ARHGAP26: variants seen among roughly 807,000 people sequenced by gnomAD.
ARHGAP26 encodes Rho GTPase activating protein 26.
ARHGAP26 carries 38 observed loss-of-function variants against 104.8 expected under a neutral mutation model. That is an observed-to-expected ratio of 0.36 (90% CI 0.28 to 0.48). The LOEUF is 0.48. Ranked by LOEUF, ARHGAP26 falls within the 20% of genes least tolerant of loss-of-function variation. The pLI, the probability that ARHGAP26 is intolerant of heterozygous loss-of-function variation, is 0.99. For synonymous variants in ARHGAP26, 341 were observed against 340.0 expected (o/e 1.00, Z -0.03); for missense variants, 704 against 947.9 (o/e 0.74, Z 3.38).
At chr5:142,957,863 T>G (rs1769518141) in intron 11 of ARHGAP26, among the ~76,000 whole-genome samples, 1 of 152,242 alleles carries the variant, frequency 6.6e-6, no homozygotes, top group Non-Finnish European at 1.5e-5. Context: ...TCTTCCCACT[T>G]TCACGCATTG....
chr5:143,226,236 C>T lies in ARHGAP26; in HGVS notation c.*3790C>T, dbSNP rs1428293586. 2 of 179,042 alleles carry T rather than the reference C, an allele frequency of 1.1e-5. No homozygotes were observed. The highest frequency in any genetic ancestry group is 4.7e-5 in the African/African-American group (2 of 42,334). 11.1% of individuals were successfully genotyped at this position (179,042 alleles called of 1,614,324 possible). ...GTGGCTCACGCCTATAATCCCAGCA[C>T]TTTGGGAGGCCGAGGCGGGCGGATC... is the stretch of plus-strand genomic sequence containing the variant. On this transcript the variant is annotated 3_prime_UTR_variant, in exon 23 of 23. Transcript: ENST00000645722.
intron 10 of ARHGAP26, among the ~76,000 whole-genome samples, chr5:142,925,125 G>A (rs13169865): frequency 0.11 from 16,037 of 152,096 alleles, 2,082 homozygotes; most frequent in African/African-American, 0.3. Context: ...ATGCCTTCCC[G>A]CATGCCAGCT....
intron 20 of ARHGAP26, among the ~76,000 whole-genome samples, chr5:143,206,103 C>T (rs1010207339): frequency 6.6e-6 from 1 of 152,118 alleles, no homozygotes; most frequent in Non-Finnish European, 1.5e-5. Context: ...CTAGGGAAGT[C>T]CCAGTAAGTA....
At chr5:142,908,505 C>T (rs2152470960) in intron 9 of ARHGAP26, among the ~76,000 whole-genome samples, 1 of 152,334 alleles carries the variant, frequency 6.6e-6, no homozygotes, top group South Asian at 2.1e-4. Flanking sequence ...TTTGGGCTTC[C>T]TCACAGCATG....
At chr5:142,923,587 A>G in intron 10 of ARHGAP26, among the ~76,000 whole-genome samples, 1 of 152,136 alleles carries the variant, frequency 6.6e-6, no homozygotes, top group Non-Finnish European at 1.5e-5. Flanking sequence ...ACCTAGCATG[A>G]TGACTGGCAC....
intron 20 of ARHGAP26, among the ~76,000 whole-genome samples, chr5:143,204,771 G>A (rs1808304818): frequency 6.6e-6 from 1 of 151,964 alleles, no homozygotes; most frequent in Non-Finnish European, 1.5e-5. Flanking sequence ...AGATGGAATA[G>A]GAAGCTGGAG....
rs536932787 is a variant in ARHGAP26 at position 143,001,163 on chromosome 5, G to A, written c.1108-12917G>A. Among the ~76,000 whole-genome samples, 5 of 152,290 alleles carry A rather than the reference G, an allele frequency of 3.3e-5. No homozygotes were observed. In the South Asian group the frequency reaches 1.0e-3, roughly 32 times the overall value. On this transcript the variant is annotated intron_variant, in intron 11 of 22. Coordinates refer to ENST00000645722, the MANE Select transcript of ARHGAP26 (RefSeq NM_001135608.3). ...GTGCAAAACAGAACAGTGGTTGCCA[G>A]TGCATGGGGTGTGTGAGGGGTGGGA...
chr5:143,061,489 T>C (rs1424691331), intron 17 of ARHGAP26, among the ~76,000 whole-genome samples: 1 of 152,218 alleles, frequency 6.6e-6, no homozygotes, highest in Non-Finnish European at 1.5e-5. Flanking sequence ...CAGCTGGTTT[T>C]CCCAAAATAC....
intron 10 of ARHGAP26, among the ~76,000 whole-genome samples, chr5:142,913,814 T>C (rs1381404727): frequency 1.3e-5 from 2 of 152,188 alleles, no homozygotes; most frequent in Non-Finnish European, 2.9e-5. Context: ...ACTCGTGAAA[T>C]CACAATTTTT....
At chr5:143,160,683 C>A (rs757390997) in intron 20 of ARHGAP26, among the ~76,000 whole-genome samples, 2 of 151,904 alleles carry the variant, frequency 1.3e-5, no homozygotes, top group Non-Finnish European at 2.9e-5. Context: ...TGGGGTCTTG[C>A]TATGTCGCCC....
intron 1 of ARHGAP26, among the ~76,000 whole-genome samples, chr5:142,783,421 G>A (rs1757913995): frequency 6.6e-6 from 1 of 152,210 alleles, no homozygotes; most frequent in South Asian, 2.1e-4. Context: ...AGTGAGTCTT[G>A]GGTGCTCTTG....
intron 1 of ARHGAP26, among the ~76,000 whole-genome samples, chr5:142,827,277 C>T (rs1294728928): frequency 1.3e-5 from 2 of 152,178 alleles, no homozygotes; most frequent in African/African-American, 2.4e-5. Flanking sequence ...CATGGTCTTA[C>T]TACAACTGTG....
At chr5:142,813,945 C>G (rs1764621752) in intron 1 of ARHGAP26, among the ~76,000 whole-genome samples, 1 of 152,216 alleles carries the variant, frequency 6.6e-6, no homozygotes, top group South Asian at 2.1e-4. Flanking sequence ...GCAGGGAAGA[C>G]AAGGTCAGCC....
intron 1 of ARHGAP26, among the ~76,000 whole-genome samples, chr5:142,834,591 A>T (rs1022742192): frequency 6.6e-6 from 1 of 152,226 alleles, no homozygotes; most frequent in Non-Finnish European, 1.5e-5. Context: ...TTGTGCAGCT[A>T]CATTCAGGGC....
At chr5:142,874,182 G>T (rs1205061367) in intron 2 of ARHGAP26, among the ~76,000 whole-genome samples, 1 of 152,196 alleles carries the variant, frequency 6.6e-6, no homozygotes, top group Non-Finnish European at 1.5e-5. Flanking sequence ...ACGGTGTGTT[G>T]CTTCACTCTT....
At chr5:142,848,160 C>T (rs936841371) in intron 1 of ARHGAP26, among the ~76,000 whole-genome samples, 6 of 152,168 alleles carry the variant, frequency 3.9e-5, no homozygotes, top group Admixed American at 2.0e-4. Context: ...CACAGTGAGA[C>T]GTGGAATTCT....
intron 1 of ARHGAP26, among the ~76,000 whole-genome samples, chr5:142,827,138 A>T (rs1767448345): frequency 1.4e-5 from 2 of 146,220 alleles, no homozygotes. Context: ...TTTCTACCCT[A>T]TTTTTTTTCT....
chr5:142,797,758 G>A (rs1761276883), intron 1 of ARHGAP26, among the ~76,000 whole-genome samples: 2 of 152,170 alleles, frequency 1.3e-5, no homozygotes, highest in Admixed American at 6.5e-5. Context: ...GTTTGAAAAG[G>A]CAAGTCTTTG....
chr5:143,094,789 G>T (rs923829126), intron 17 of ARHGAP26, among the ~76,000 whole-genome samples: 3 of 152,090 alleles, frequency 2.0e-5, no homozygotes, highest in African/African-American at 7.2e-5. Flanking sequence ...GAGTGGTTTG[G>T]GGGGAAAATG....
Sources: gnomAD v4.1 joint callset for allele counts (sites outside exome capture counted in the v4.1 genomes callset) on GRCh38, gnomAD v4.1.1 for gene constraint, MANE v1.5 for transcripts, NCBI Gene and HGNC (gene_info 2026-07-23, HGNC 2026-07-21) for gene names.